The following NCAM2 variants were observed in gnomAD, a reference collection of about 807,000 sequenced individuals.
NCAM2 encodes N-CAM-2.
In NCAM2, 30 loss-of-function variants were observed where a neutral mutation model predicts 98.1. The observed-to-expected ratio is 0.31, with a 90% confidence interval of 0.23 to 0.41. NCAM2 has a LOEUF of 0.41. Ranked by LOEUF, NCAM2 falls within the 10% of genes least tolerant of loss-of-function variation. The pLI is 1.00. For synonymous variants in NCAM2, 368 were observed against 342.4 expected (o/e 1.07, Z -0.83); for missense variants, 867 against 1,005.8 (o/e 0.86, Z 1.87).
At chr21:21,062,476 G>A (rs2065343069) in intron 1 of NCAM2, among the ~76,000 whole-genome samples, 2 of 152,140 alleles carry the variant, frequency 1.3e-5, no homozygotes, top group Admixed American at 1.3e-4. Flanking sequence ...TTCAGCAAAT[G>A]TTGGGCATCT....
chr21:21,255,916 C>G (rs2071649983), intron 1 of NCAM2, among the ~76,000 whole-genome samples: 1 of 152,142 alleles, frequency 6.6e-6, no homozygotes, highest in Non-Finnish European at 1.5e-5. Flanking sequence ...AACATAATCT[C>G]TGATTATGAC....
chr21:21,314,070 TAA>T (rs2074141218), intron 5 of NCAM2, among the ~76,000 whole-genome samples: 1 of 152,128 alleles, frequency 6.6e-6, no homozygotes, highest in Admixed American at 6.5e-5. Context: ...TTAAATAACT[TAA>T]AAAGTGAATA....
chr21:21,271,653 A>G (rs1233084932), intron 1 of NCAM2, among the ~76,000 whole-genome samples: 4 of 152,212 alleles, frequency 2.6e-5, no homozygotes, highest in Admixed American at 1.3e-4. Context: ...CAATGTGGCT[A>G]TTTGGAGTAC....
chr21:21,375,023 GGA>G (rs1168155935), intron 9 of NCAM2, among the ~76,000 whole-genome samples: 1 of 151,560 alleles, frequency 6.6e-6, no homozygotes, highest in East Asian at 1.9e-4. Flanking sequence ...TGGGGTTGGG[GGA>G]GAGGGGAGGG....
At chr21:21,346,780 T>C (rs1019861883) in intron 8 of NCAM2, among the ~76,000 whole-genome samples, 2 of 151,974 alleles carry the variant, frequency 1.3e-5, no homozygotes, top group African/African-American at 4.8e-5. Context: ...ATGACCAGTG[T>C]GTCAATGAAG....
chr21:21,447,847 C>T (rs564070822), intron 12 of NCAM2, among the ~76,000 whole-genome samples: 1 of 152,186 alleles, frequency 6.6e-6, no homozygotes, highest in South Asian at 2.1e-4. Context: ...TAATGAGATA[C>T]CATCTCACAC....
intron 9 of NCAM2, among the ~76,000 whole-genome samples, chr21:21,401,871 G>A (rs1277390430): frequency 6.6e-6 from 1 of 152,146 alleles, no homozygotes; most frequent in African/African-American, 2.4e-5. Context: ...CCTGAACAGA[G>A]GGACCGGCTG....
chr21:21,059,844 A>C (rs557211044), intron 1 of NCAM2, among the ~76,000 whole-genome samples: 3 of 152,122 alleles, frequency 2.0e-5, no homozygotes, highest in Non-Finnish European at 4.4e-5. Flanking sequence ...AATATGCTAC[A>C]GGGAAAGCAC....
chr21:21,356,265 C>A (rs2147967813), intron 8 of NCAM2, among the ~76,000 whole-genome samples: 1 of 152,098 alleles, frequency 6.6e-6, no homozygotes, highest in South Asian at 2.1e-4. Context: ...TTGTTTTATT[C>A]TCAGTTATAT....
intron 1 of NCAM2, among the ~76,000 whole-genome samples, chr21:21,079,789 A>G (rs529065817): frequency 1.6e-4 from 24 of 152,202 alleles, no homozygotes; most frequent in Non-Finnish European, 3.2e-4. Flanking sequence ...CTATCTAGCC[A>G]GCTTACTCTA....
intron 11 of NCAM2, among the ~76,000 whole-genome samples, chr21:21,425,015 G>A (rs1165061856): frequency 7.0e-5 from 8 of 113,500 alleles, no homozygotes; most frequent in South Asian, 5.9e-4. Context: ...TAGCCTGGGC[G>A]ACAAAAGCGG....
At chr21:21,130,571 G>A (rs2066913467) in intron 1 of NCAM2, among the ~76,000 whole-genome samples, 1 of 151,938 alleles carries the variant, frequency 6.6e-6, no homozygotes, top group Non-Finnish European at 1.5e-5. Context: ...ATAGATTATT[G>A]GTAATCTGTT....
At chr21:21,408,545 G>A (rs1468092047) in intron 9 of NCAM2, among the ~76,000 whole-genome samples, 1 of 152,088 alleles carries the variant, frequency 6.6e-6, no homozygotes, top group African/African-American at 2.4e-5. Context: ...TTTAATAATA[G>A]ATGATAGGAT....
chr21:21,135,475 C>T (rs193230330), intron 1 of NCAM2, among the ~76,000 whole-genome samples: 3 of 152,134 alleles, frequency 2.0e-5, no homozygotes, highest in African/African-American at 4.8e-5. Context: ...TGAAACACCT[C>T]GATAGAACTG....
At chr21:21,294,518 T>C (rs559946980) in intron 5 of NCAM2, among the ~76,000 whole-genome samples, 1 of 152,032 alleles carries the variant, frequency 6.6e-6, no homozygotes, top group African/African-American at 2.4e-5. Flanking sequence ...GATTCTAATA[T>C]GAACATCTTT....
chr21:21,246,097 C>G (rs1052351664), intron 1 of NCAM2, among the ~76,000 whole-genome samples: 1 of 152,112 alleles, frequency 6.6e-6, no homozygotes, highest in Non-Finnish European at 1.5e-5. Flanking sequence ...AGGTACTGAG[C>G]CTTTTCCTCC....
intron 1 of NCAM2, among the ~76,000 whole-genome samples, chr21:21,275,546 C>G (rs1004620548): frequency 2.6e-5 from 4 of 151,896 alleles, no homozygotes; most frequent in African/African-American, 9.7e-5. Flanking sequence ...TGAGAAATAT[C>G]CAAAATTCTG....
intron 1 of NCAM2, among the ~76,000 whole-genome samples, chr21:21,112,746 C>T (rs935829931): frequency 5.3e-5 from 8 of 152,124 alleles, no homozygotes; most frequent in Non-Finnish European, 8.8e-5. Flanking sequence ...ATAAAGAATG[C>T]CCCATAGCAG....
At chr21:21,147,660 T>C (rs1219584232) in intron 1 of NCAM2, among the ~76,000 whole-genome samples, 1 of 149,158 alleles carries the variant, frequency 6.7e-6, no homozygotes, top group Non-Finnish European at 1.5e-5. Context: ...AATAAATTTA[T>C]ATATATACAC....
Sources: allele counts gnomAD v4.1 joint callset (sites outside exome capture counted in the v4.1 genomes callset), GRCh38; gene constraint gnomAD v4.1.1; transcripts MANE v1.5; gene names NCBI Gene and HGNC (gene_info 2026-07-23, HGNC 2026-07-21).